The following CSNK1A1 variants were observed in gnomAD, a reference collection of about 807,000 sequenced individuals.
CSNK1A1 encodes the protein casein kinase I isoform alpha.
CSNK1A1 carries 7 observed loss-of-function variants against 46.1 expected under a neutral mutation model. The ratio of observed to expected loss-of-function variants is 0.15; its 90% CI spans 0.09 to 0.29. The LOEUF is 0.29. Ranked by LOEUF, CSNK1A1 falls within the 10% of genes least tolerant of loss-of-function variation. The pLI is 1.00. For missense variants in CSNK1A1, 96 were observed against 417.1 expected (o/e 0.23, Z 6.71); for synonymous variants, 137 against 141.5 (o/e 0.97, Z 0.23).
chr5:149,501,182 A>G, intron 9 of CSNK1A1: 1 of 985,434 alleles, frequency 1.0e-6, no homozygotes, highest in South Asian at 4.7e-5. Flanking sequence ...CATGGACTCC[A>G]GATGACCACA....
chr5:149,502,791 C>CA (rs1760912397), intron 9 of CSNK1A1: 1 of 902,240 alleles, frequency 1.1e-6, no homozygotes, highest in African/African-American at 2.0e-5. Context: ...TTTTTTGAGA[C>CA]AGAGTCTCAC....
chr5:149,498,526 AAAAAAG>A (rs1760726509), intron 9 of CSNK1A1: 5 of 985,134 alleles, frequency 5.1e-6, no homozygotes, highest in Non-Finnish European at 1.2e-6. Flanking sequence ...TTGGGAGTTT[AAAAAAG>A]AAAAAAAGTA....
chr5:149,548,499 G>T (rs953516144), intron 2 of CSNK1A1, among the ~76,000 whole-genome samples: 1 of 151,184 alleles, frequency 6.6e-6, no homozygotes, highest in Admixed American at 6.6e-5. Flanking sequence ...CCTGGGAGGC[G>T]GAGGCTGCAG....
chr5:149,524,340 T>C (rs994072241), intron 3 of CSNK1A1, among the ~76,000 whole-genome samples: 1 of 152,156 alleles, frequency 6.6e-6, no homozygotes, highest in African/African-American at 2.4e-5. Context: ...AGGTAACAAA[T>C]ACTGATCAAA....
intron 2 of CSNK1A1, among the ~76,000 whole-genome samples, chr5:149,535,043 A>G (rs1014207827): frequency 1.3e-5 from 2 of 152,116 alleles, no homozygotes; most frequent in Non-Finnish European, 2.9e-5. Flanking sequence ...CTCAGACCCA[A>G]TCATTGAGTC....
intron 4 of CSNK1A1, among the ~76,000 whole-genome samples, chr5:149,513,637 C>T (rs1449525934): frequency 2.6e-5 from 4 of 152,176 alleles, no homozygotes; most frequent in Admixed American, 6.6e-5. Flanking sequence ...CGGTAGCTCA[C>T]GCCTATAATC....
rs1311126847 is a variant in CSNK1A1, at chr5:149,494,570, G to A, written c.*2283C>T. 1 of 152,110 alleles carries A rather than the reference G, an allele frequency of 6.6e-6. No individual in the cohort carries two copies. Among genetic ancestry groups the A allele is most frequent in the Admixed American group, 6.6e-5 (1 of 15,266 alleles). 9.4% of individuals were successfully genotyped at this position (152,110 alleles called of 1,614,324 possible). Reference sequence around the variant, plus strand: ...TTCAACTTGTATCATCATTTTAGCGGAAAAACATAATTTAATTTTGGTGAA... The same window carrying A: ...TTCAACTTGTATCATCATTTTAGCGAAAAAACATAATTTAATTTTGGTGAA... On this transcript the variant is annotated 3_prime_UTR_variant, in exon 10 of 10. Coordinates refer to ENST00000377843, the MANE Select transcript of CSNK1A1 (RefSeq NM_001892.6).
chr5:149,525,253 T>G lies in CSNK1A1; in HGVS notation c.231-82A>C. The G allele has an allele frequency of 1.5e-6, 2 of 1,318,206 alleles. No homozygotes were observed. Among genetic ancestry groups the G allele is most frequent in the South Asian group, 3.6e-5 (2 of 55,714 alleles). 81.7% of individuals were successfully genotyped at this position (1,318,206 alleles called of 1,614,324 possible). A position where few individuals can be genotyped will look rare whatever the true frequency, so the allele number is the denominator to read the frequency against. Reference sequence around the variant, plus strand: ...CAACCCTAAGAATAATATAGTTTTCTTTCACTGACTAGGTATTATATAAGG... The same window carrying G: ...CAACCCTAAGAATAATATAGTTTTCGTTCACTGACTAGGTATTATATAAGG... On this transcript the variant is annotated intron_variant, in intron 2 of 9. Coordinates refer to ENST00000377843, the MANE Select transcript of CSNK1A1 (RefSeq NM_001892.6). The surrounding 1 kb of genome is among the most constrained non-coding windows in gnomAD (Gnocchi z 4.2).
chr5:149,514,551 G>A (rs976006853), intron 4 of CSNK1A1, among the ~76,000 whole-genome samples: 17 of 152,024 alleles, frequency 1.1e-4, no homozygotes, highest in African/African-American at 3.4e-4. Flanking sequence ...CCTAAATTTT[G>A]TAGTTCTTCT....
At chr5:149,521,494 C>A (rs889969516) in intron 3 of CSNK1A1, among the ~76,000 whole-genome samples, 6 of 151,964 alleles carry the variant, frequency 3.9e-5, no homozygotes, top group Admixed American at 3.9e-4. Flanking sequence ...CGTTATGTTG[C>A]CCAGCTGCTC....
At chr5:149,498,839 T>C (rs1760735718) in intron 9 of CSNK1A1, 2 of 985,266 alleles carry the variant, frequency 2.0e-6, no homozygotes, top group South Asian at 4.7e-5. Context: ...TCAGTCAAAA[T>C]ACAAGGAAAC....
intron 9 of CSNK1A1, chr5:149,497,337 C>T (rs1328684084): frequency 2.0e-6 from 2 of 986,980 alleles, no homozygotes; most frequent in Non-Finnish European, 1.2e-6. Flanking sequence ...TATTATTTTA[C>T]TAAACAAAGA....
chr5:149,501,021 ATAAT>A (rs1395256850), intron 9 of CSNK1A1: 16 of 985,260 alleles, frequency 1.6e-5, no homozygotes, highest in Non-Finnish European at 1.9e-5. Context: ...ATACCTGTTT[ATAAT>A]TGATTCTTTC....
intron 2 of CSNK1A1, chr5:149,549,454 C>T: frequency 1.4e-6 from 1 of 702,414 alleles, no homozygotes; most frequent in Middle Eastern, 2.3e-4. Context: ...CCTCGAACCT[C>T]CACACCGCCT....
intron 9 of CSNK1A1, chr5:149,502,293 A>G (rs1033332200): frequency 5.2e-6 from 5 of 956,446 alleles, no homozygotes; most frequent in Non-Finnish European, 6.2e-6. Flanking sequence ...CAATAATACT[A>G]AATCCTCTGA....
At chr5:149,528,237 G>C (rs1013616127) in intron 2 of CSNK1A1, among the ~76,000 whole-genome samples, 4 of 152,076 alleles carry the variant, frequency 2.6e-5, no homozygotes, top group Non-Finnish European at 4.4e-5. Context: ...CTCAAAGTCA[G>C]GAGGATTAAA....
intron 4 of CSNK1A1, among the ~76,000 whole-genome samples, chr5:149,516,195 C>T (rs556803525): frequency 6.6e-6 from 1 of 152,210 alleles, no homozygotes; most frequent in South Asian, 2.1e-4. Context: ...TGGCGCATAC[C>T]TGTAATCCCA....
intron 4 of CSNK1A1, among the ~76,000 whole-genome samples, chr5:149,518,438 T>C (rs1012004280): frequency 6.6e-6 from 1 of 152,062 alleles, no homozygotes; most frequent in Admixed American, 6.6e-5. Context: ...CCCCAAAACC[T>C]TTTTTTCCCC....
chr5:149,515,592 G>A (rs1254755203), intron 4 of CSNK1A1, among the ~76,000 whole-genome samples: 1 of 152,118 alleles, frequency 6.6e-6, no homozygotes, highest in Admixed American at 6.6e-5. Flanking sequence ...AACAAAGATA[G>A]CCTATTCTCA....
Sources: allele counts gnomAD v4.1 joint callset (sites outside exome capture counted in the v4.1 genomes callset), GRCh38; gene constraint gnomAD v4.1.1; non-coding constraint Gnocchi (gnomAD v3.1); transcripts MANE v1.5; gene names NCBI Gene and HGNC (gene_info 2026-07-23, HGNC 2026-07-21).